Variants in CFAP61 observed in about 807,000 individuals in gnomAD.
The protein encoded by CFAP61 is cilia and flagella associated protein 61, also known as cilia- and flagella-associated protein 61.
In CFAP61, 107 loss-of-function variants were observed where a neutral mutation model predicts 135.6. The observed-to-expected ratio is 0.79, with a 90% CI of 0.67 to 0.93. The LOEUF is 0.93. Among genes scored for constraint, CFAP61 ranks in the 40% least tolerant of loss-of-function variants. The pLI is 0.00. For missense variants in CFAP61, 1,507 were observed against 1,556.2 expected, an observed-to-expected ratio of 0.97 and a Z score of 0.53; for synonymous variants, 575 against 578.5, an observed-to-expected ratio of 0.99 and a Z score of 0.09.
At chr20:20,207,223 G>T (rs111289706) in intron 17 of CFAP61, among the ~76,000 whole-genome samples, 1 of 152,112 alleles carries the variant, frequency 6.6e-6, no homozygotes, top group Non-Finnish European at 1.5e-5. Context: ...GGAAAATGGG[G>T]GACTTTCTGT....
chr20:20,186,843 G>T (rs2055538673), intron 13 of CFAP61, among the ~76,000 whole-genome samples: 1 of 152,180 alleles, frequency 6.6e-6, no homozygotes, highest in African/African-American at 2.4e-5. Flanking sequence ...GAATGGCATT[G>T]TCCCATTGAG....
At chr20:20,166,487 A>T in intron 12 of CFAP61, 51 bp downstream of exon 12, 2 of 1,430,052 alleles carry the variant, frequency 1.4e-6, no homozygotes, top group Non-Finnish European at 2.0e-6. Flanking sequence ...TAGAGAACTT[A>T]TAGAAAAGTA....
At chr20:20,073,011 C>A (rs114011117) in intron 3 of CFAP61, among the ~76,000 whole-genome samples, 1 of 152,196 alleles carries the variant, frequency 6.6e-6, no homozygotes, top group African/African-American at 2.4e-5. Context: ...CAGTATAGAG[C>A]CTTTAAGGCT....
At chr20:20,087,369 T>C (rs889417807) in intron 6 of CFAP61, among the ~76,000 whole-genome samples, 1 of 152,180 alleles carries the variant, frequency 6.6e-6, no homozygotes, top group African/African-American at 2.4e-5. Context: ...CTCCTACTTA[T>C]AAGTGAAAAC....
chr20:20,197,943 T>C (rs956113456), intron 16 of CFAP61, among the ~76,000 whole-genome samples: 5 of 152,236 alleles, frequency 3.3e-5, no homozygotes, highest in African/African-American at 9.6e-5. Context: ...TATGTCTATT[T>C]ATTAAACAAT....
chr20:20,298,723 A>G (rs1389499834), intron 25 of CFAP61, among the ~76,000 whole-genome samples: 9 of 152,160 alleles, frequency 5.9e-5, no homozygotes, highest in East Asian at 1.9e-4. Flanking sequence ...TAGGAGGTCA[A>G]TTTGGGAACA....
chr20:20,236,714 A>C (rs2049619623), intron 18 of CFAP61, among the ~76,000 whole-genome samples: 1 of 152,222 alleles, frequency 6.6e-6, no homozygotes, highest in South Asian at 2.1e-4. Flanking sequence ...GCATTTGCCC[A>C]AAACACAAAG....
intron 25 of CFAP61, among the ~76,000 whole-genome samples, chr20:20,334,606 C>T (rs1317635780): frequency 6.6e-6 from 1 of 152,230 alleles, no homozygotes; most frequent in African/African-American, 2.4e-5. Flanking sequence ...CAGGAAACAT[C>T]TGAGGCCAGC....
intron 6 of CFAP61, among the ~76,000 whole-genome samples, chr20:20,084,401 C>CCTG (rs3060422): frequency 0.079 from 11,936 of 150,704 alleles, 578 homozygotes; most frequent in African/African-American, 0.12. Flanking sequence ...GCGGAGGTGG[C>CCTG]CTGCTGCTGC....
At chr20:20,187,361 C>T (rs2055583439) in intron 13 of CFAP61, among the ~76,000 whole-genome samples, 1 of 152,220 alleles carries the variant, frequency 6.6e-6, no homozygotes, top group Admixed American at 6.5e-5. Context: ...AGAAAACCAT[C>T]ATGGAGAGAC....
intron 14 of CFAP61, among the ~76,000 whole-genome samples, 181 bp downstream of exon 14, chr20:20,188,237 G>C (rs1020822062): frequency 6.6e-6 from 1 of 152,172 alleles, no homozygotes; most frequent in Non-Finnish European, 1.5e-5. Flanking sequence ...GAGGAAGTGA[G>C]ACCATTCTCA....
rs1161120611 is a variant in CFAP61 at position 20,228,324 on chromosome 20, G to A, written c.2008G>A (p.Val670Met). The A allele has an allele frequency of 2.5e-6, 4 of 1,612,112 alleles. No individual in the cohort carries two copies. The highest frequency in any genetic ancestry group is 2.2e-5 in the East Asian group (1 of 44,840). ...PKITVNAKII[V>M]VGASSVGISF... is the part of the protein sequence containing the mutation. ...AATTACTGTCAATGCCAAGATCATT[G>A]TGGTTGGTGCATCCAGTGTTGGAAT... Residue 670 changes from valine (V) to methionine (M), a missense_variant, in exon 18 of 27, where the codon GTG (valine) becomes ATG (methionine). By Grantham distance (21) the Val-to-Met change is conservative. Transcript: ENST00000245957.
intron 25 of CFAP61, among the ~76,000 whole-genome samples, chr20:20,326,645 G>A (rs1260608622): frequency 6.6e-6 from 1 of 152,086 alleles, no homozygotes; most frequent in Non-Finnish European, 1.5e-5. Context: ...ATCATACACT[G>A]AGCCAAAATC....
intron 26 of CFAP61, 60 bp from the exon 27 acceptor site, chr20:20,360,150 C>A: frequency 8.1e-7 from 1 of 1,241,952 alleles, no homozygotes; most frequent in Non-Finnish European, 1.2e-6. Context: ...ATGAAACTGC[C>A]GTTACAACTG....
At chr20:20,118,604 G>T (rs1485900811) in intron 8 of CFAP61, among the ~76,000 whole-genome samples, 1 of 152,044 alleles carries the variant, frequency 6.6e-6, no homozygotes, top group Non-Finnish European at 1.5e-5. Flanking sequence ...GCTTCCCAAA[G>T]TGCTGGGATT....
chr20:20,271,504 C>T (rs765806824), intron 21 of CFAP61, among the ~76,000 whole-genome samples: 2 of 152,188 alleles, frequency 1.3e-5, no homozygotes, highest in Non-Finnish European at 2.9e-5. Context: ...CATTCTGTTT[C>T]AAAGGCTGCC....
chr20:20,235,702 T>C (rs1355019103), intron 18 of CFAP61, among the ~76,000 whole-genome samples: 2 of 152,190 alleles, frequency 1.3e-5, no homozygotes, highest in Non-Finnish European at 2.9e-5. Context: ...CATAAAATGA[T>C]GCACAAGAGG....
At chr20:20,177,449 C>T (rs4271827) in intron 13 of CFAP61, among the ~76,000 whole-genome samples, 35,361 of 151,508 alleles carry the variant, frequency 0.23, 4,267 homozygotes, top group Middle Eastern at 0.34. Context: ...TCCACCCTCC[C>T]TCCATCCTGA....
chr20:20,181,075 T>C (rs2055028566), intron 13 of CFAP61, among the ~76,000 whole-genome samples: 1 of 151,676 alleles, frequency 6.6e-6, no homozygotes, highest in South Asian at 2.1e-4. Context: ...AATACCTGGG[T>C]GATAAATAAT....
Sources: gnomAD v4.1 joint callset for allele counts (sites outside exome capture counted in the v4.1 genomes callset) on GRCh38, gnomAD v4.1.1 for gene constraint, MANE v1.5 for transcripts, NCBI Gene and HGNC (gene_info 2026-07-23, HGNC 2026-07-21) for gene names.